Variants in REPS2 observed in about 807,000 individuals in gnomAD.
REPS2 encodes ralBP1-associated Eps domain-containing protein 2.
A neutral mutation model predicts 53.6 loss-of-function variants in REPS2; 23 were observed. The observed-to-expected ratio is 0.43, with a 90% CI of 0.31 to 0.61. The LOEUF (loss-of-function observed/expected upper bound fraction) is 0.61. Among genes scored for constraint, REPS2 ranks in the 20% least tolerant of loss-of-function variants. The probability of loss-of-function intolerance (pLI) is 0.11; values close to 1 mark genes in which losing one functional copy is unlikely to be tolerated. For missense variants in REPS2, 446 were observed against 534.9 expected (o/e 0.83, Z 1.64); for synonymous variants, 238 against 218.6 (o/e 1.09, Z -0.78).
At chrX:16,968,298 C>T (rs767384433) in intron 1 of REPS2, among the ~76,000 whole-genome samples, 199 of 112,126 alleles carry the variant, frequency 1.8e-3, no homozygotes, top group African/African-American at 6.2e-3. Flanking sequence ...ACCTTTCCCC[C>T]CTTTCTATTC....
intron 4 of REPS2, among the ~76,000 whole-genome samples, chrX:17,026,047 C>T (rs1181091612): frequency 3.6e-5 from 4 of 111,645 alleles, no homozygotes; most frequent in East Asian, 2.8e-4. Context: ...TAAAACTGCG[C>T]GCTAGGCTGA....
chrX:17,059,013 CTTT>C (rs1179244167), intron 8 of REPS2, among the ~76,000 whole-genome samples: 2 of 96,902 alleles, frequency 2.1e-5, no homozygotes, highest in Non-Finnish European at 2.1e-5. Flanking sequence ...TTCTTTCTTT[CTTT>C]TTTTTTTTTT....
chrX:17,016,128 T>A (rs1031038771), intron 2 of REPS2, among the ~76,000 whole-genome samples: 2 of 112,284 alleles, frequency 1.8e-5, no homozygotes, highest in African/African-American at 6.5e-5. Context: ...ATGGTGTCTC[T>A]CTGTGGTTTT....
intron 14 of REPS2, among the ~76,000 whole-genome samples, chrX:17,130,754 G>A (rs1027723118): frequency 9.8e-5 from 11 of 111,952 alleles, no homozygotes; most frequent in African/African-American, 3.3e-4. Context: ...GTATGGCATA[G>A]TGGTTATAAG....
intron 13 of REPS2, among the ~76,000 whole-genome samples, chrX:17,102,060 TA>T (rs994610935): frequency 3.5e-5 from 3 of 84,955 alleles, no homozygotes; most frequent in African/African-American, 1.4e-4. Flanking sequence ...TATGTTATGT[TA>T]TGTTATGTTA....
intron 14 of REPS2, among the ~76,000 whole-genome samples, chrX:17,114,013 G>T (rs776165214): frequency 1.8e-5 from 2 of 112,167 alleles, no homozygotes; most frequent in Non-Finnish European, 3.8e-5. Flanking sequence ...CTATTAAAAT[G>T]ATTACATGAC....
At chrX:17,079,806 G>A (rs2062431036) in intron 13 of REPS2, among the ~76,000 whole-genome samples, 1 of 112,438 alleles carries the variant, frequency 8.9e-6, no homozygotes, top group African/African-American at 3.2e-5. Flanking sequence ...AGTATGAAAA[G>A]CAGGTGGTAT....
the REPS2 span, among the ~76,000 whole-genome samples, chrX:17,169,800 G>A: frequency 1.8e-5 from 2 of 112,720 alleles, no homozygotes; most frequent in Non-Finnish European, 3.7e-5. Flanking sequence ...GCCAAGGACT[G>A]TCTTGTCCCA....
chrX:17,026,532 T>A (rs1180029868), intron 4 of REPS2, among the ~76,000 whole-genome samples: 1 of 108,955 alleles, frequency 9.2e-6, no homozygotes, highest in Admixed American at 9.8e-5. Flanking sequence ...AAACTTTTTG[T>A]TCTACTGAGT....
At chrX:17,034,710 C>A (rs1174802941) in intron 5 of REPS2, among the ~76,000 whole-genome samples, 2 of 112,149 alleles carry the variant, frequency 1.8e-5, no homozygotes, top group African/African-American at 6.5e-5. Context: ...GTGATGTTTT[C>A]TTTGCTTTTT....
intron 1 of REPS2, among the ~76,000 whole-genome samples, chrX:16,972,976 A>T (rs1230055123): frequency 9.0e-6 from 1 of 111,301 alleles, no homozygotes; most frequent in Non-Finnish European, 1.9e-5. Context: ...CTGTTCTAGG[A>T]TCCTGTCCAG....
At chrX:17,053,191 G>T (rs2062025477) in intron 7 of REPS2, among the ~76,000 whole-genome samples, 1 of 111,672 alleles carries the variant, frequency 9.0e-6, no homozygotes, top group African/African-American at 3.3e-5. Flanking sequence ...ACAGAATTAT[G>T]ATAGGATTTA....
At chrX:17,092,907 A>G (rs1203464421) in intron 13 of REPS2, among the ~76,000 whole-genome samples, 1 of 104,795 alleles carries the variant, frequency 9.5e-6, no homozygotes, top group Non-Finnish European at 1.9e-5. Flanking sequence ...ATTTTAAGTC[A>G]AGAGCAGACT....
chrX:17,039,386 G>A (rs2061803861), intron 5 of REPS2, among the ~76,000 whole-genome samples: 1 of 112,181 alleles, frequency 8.9e-6, no homozygotes, highest in Admixed American at 9.4e-5. Flanking sequence ...TACATACCTG[G>A]ATTGTATGGC....
At chrX:17,060,268 A>G (rs992702862) in intron 8 of REPS2, among the ~76,000 whole-genome samples, 13 of 111,184 alleles carry the variant, frequency 1.2e-4, no homozygotes, top group African/African-American at 3.9e-4. Context: ...GCGTCACTGC[A>G]CTCCAGCCTG....
rs370932242 is a variant in REPS2 at position 17,069,978 on chromosome X, G to A, written c.1318G>A (p.Val440Met). The change falls in exon 11 of 18, where the codon GTG becomes ATG. Residue 440 changes from valine (V) to methionine (M), a missense_variant. Physicochemically the swap from Val to Met is conservative, Grantham distance 21. Transcript: ENST00000357277. ...STINEALPKD[V>M]SEDPATPKDS... is the part of the protein sequence containing the mutation. ...TATCAATGAAGCCTTACCAAAGGAC[G>A]TGTCTGAGGATCCAGGTAGGAGAAA... 1 of 1,126,728 alleles carries A rather than the reference G, an allele frequency of 8.9e-7. No individual in the cohort carries two copies. The highest frequency in any genetic ancestry group is 3.2e-5 in the East Asian group (1 of 31,469). 92.9% of individuals were successfully genotyped at this position (1,126,728 alleles called of 1,213,427 possible). A position where few individuals can be genotyped will look rare whatever the true frequency, so the allele number is the denominator to read the frequency against.
At chrX:17,139,867 C>A (rs1247227298) in intron 17 of REPS2, among the ~76,000 whole-genome samples, 1 of 111,323 alleles carries the variant, frequency 9.0e-6, no homozygotes, top group African/African-American at 3.3e-5. Context: ...TAGGACCCAC[C>A]CTAATCTAGC....
At chrX:17,041,905 A>G (rs2147895584) in intron 5 of REPS2, among the ~76,000 whole-genome samples, 1 of 112,104 alleles carries the variant, frequency 8.9e-6, no homozygotes, top group East Asian at 2.8e-4. Flanking sequence ...GTAGGGGTAA[A>G]TGTTACCTTT....
chrX:17,063,977 C>T (rs1310936956), intron 9 of REPS2, among the ~76,000 whole-genome samples: 2 of 111,623 alleles, frequency 1.8e-5, no homozygotes, highest in Non-Finnish European at 3.8e-5. Context: ...CTCTTTCTCT[C>T]TCTCTAATGT....
Sources: gnomAD v4.1 joint callset for allele counts (sites outside exome capture counted in the v4.1 genomes callset) on GRCh38, gnomAD v4.1.1 for gene constraint, MANE v1.5 for transcripts, NCBI Gene and HGNC (gene_info 2026-07-23, HGNC 2026-07-21) for gene names.